Variants in ST14 observed in about 807,000 individuals in gnomAD.
ST14 encodes suppressor of tumorigenicity 14 protein.
In ST14, 40 loss-of-function variants were observed where a neutral mutation model predicts 96.5. The ratio of observed to expected loss-of-function variants is 0.41; its 90% CI spans 0.32 to 0.54. The LOEUF (loss-of-function observed/expected upper bound fraction) is 0.54. ST14 is among the 20% of genes least tolerant of loss of function. The pLI is 0.17. For missense variants in ST14, 1,066 were observed against 1,188.9 expected (o/e 0.90, Z 1.52); for synonymous variants, 506 against 492.1 (o/e 1.03, Z -0.37).
intron 16 of ST14, among the ~76,000 whole-genome samples, chr11:130,201,950 C>T (rs1953433186): frequency 6.6e-6 from 1 of 152,204 alleles, no homozygotes; most frequent in Non-Finnish European, 1.5e-5. Context: ...TGAGCCATGT[C>T]CTTGCTTTCT....
intron 4 of ST14, 71 bp from the exon 5 acceptor site, chr11:130,189,668 G>A (rs751808462): frequency 2.3e-4 from 363 of 1,590,752 alleles, no homozygotes; most frequent in Non-Finnish European, 3.0e-4. Context: ...CATGTGTCCT[G>A]GAGTCGCTCT....
intron 1 of ST14, among the ~76,000 whole-genome samples, chr11:130,175,480 A>G (rs1394583680): frequency 6.6e-6 from 1 of 151,540 alleles, no homozygotes; most frequent in East Asian, 1.9e-4. Flanking sequence ...CCCAGGTTCA[A>G]GTGATTCTCC....
intron 1 of ST14, among the ~76,000 whole-genome samples, chr11:130,166,765 G>A (rs1167758998): frequency 2.0e-5 from 3 of 152,198 alleles, no homozygotes; most frequent in Non-Finnish European, 4.4e-5. Context: ...GTGAGCCCAG[G>A]AGAGATCAGG....
At chr11:130,208,075 A>G (rs1370594801) in intron 16 of ST14, among the ~76,000 whole-genome samples, 1 of 100,716 alleles carries the variant, frequency 9.9e-6, no homozygotes, top group Admixed American at 9.0e-5. Context: ...CTCAGTCTCA[A>G]TAAATAAATA....
At chr11:130,195,503 G>A (rs970264436) in intron 9 of ST14, among the ~76,000 whole-genome samples, 8 of 152,150 alleles carry the variant, frequency 5.3e-5, no homozygotes, top group Non-Finnish European at 7.3e-5. Context: ...CAAGAGAGTC[G>A]CCTGTCCGTG....
At chr11:130,178,207 G>T (rs1000434768) in intron 1 of ST14, among the ~76,000 whole-genome samples, 1 of 152,256 alleles carries the variant, frequency 6.6e-6, no homozygotes, top group Non-Finnish European at 1.5e-5. Context: ...TAACAAACCA[G>T]TCCAGGAAGA....
intron 16 of ST14, among the ~76,000 whole-genome samples, chr11:130,206,567 C>CTTTTTT (rs57270082): frequency 2.1e-5 from 3 of 143,142 alleles, no homozygotes; most frequent in African/African-American, 5.1e-5. Context: ...CTTTTCTTTT[C>CTTTTTT]TTTTTTTTTT....
At chr11:130,166,306 C>A (rs1282639184) in intron 1 of ST14, among the ~76,000 whole-genome samples, 1 of 152,194 alleles carries the variant, frequency 6.6e-6, no homozygotes, top group Non-Finnish European at 1.5e-5. Flanking sequence ...TGTGCACACA[C>A]CACTTGTATC....
At chr11:130,208,981 C>T (rs1021439985) in intron 17 of ST14, among the ~76,000 whole-genome samples, 2 of 152,120 alleles carry the variant, frequency 1.3e-5, no homozygotes, top group African/African-American at 4.8e-5. Context: ...CACCTTAAGC[C>T]CAGTGGTGCT....
At chr11:130,206,075 C>T (rs1015835049) in intron 16 of ST14, among the ~76,000 whole-genome samples, 1 of 152,184 alleles carries the variant, frequency 6.6e-6, no homozygotes, top group Non-Finnish European at 1.5e-5. Flanking sequence ...GTTTCTTTAA[C>T]CTCATTTTAA....
At chr11:130,178,377 G>A (rs549379098) in intron 1 of ST14, among the ~76,000 whole-genome samples, 3 of 90,712 alleles carry the variant, frequency 3.3e-5, no homozygotes, top group African/African-American at 2.7e-4. Flanking sequence ...TTGAGGTGCC[G>A]AAGTCCTGCT....
chr11:130,182,472 G>A (rs947881032), intron 1 of ST14, among the ~76,000 whole-genome samples: 8 of 151,610 alleles, frequency 5.3e-5, no homozygotes, highest in Non-Finnish European at 8.8e-5. Context: ...ACAGGTGCAT[G>A]CTGCCATGTC....
intron 9 of ST14, among the ~76,000 whole-genome samples, chr11:130,195,428 G>A (rs142246752): frequency 4.1e-4 from 63 of 152,252 alleles, no homozygotes; most frequent in Non-Finnish European, 8.5e-4. Flanking sequence ...CCTAGGTGAA[G>A]TGAGGGTGAT....
At chr11:130,205,288 G>T (rs1033486648) in intron 16 of ST14, among the ~76,000 whole-genome samples, 2 of 152,166 alleles carry the variant, frequency 1.3e-5, no homozygotes, top group East Asian at 1.9e-4. Flanking sequence ...CACCTTGCCC[G>T]GCTAAATTTT....
intron 1 of ST14, among the ~76,000 whole-genome samples, chr11:130,172,411 CT>C (rs1173051845): frequency 0.088 from 7,772 of 88,458 alleles, 140 homozygotes; most frequent in East Asian, 0.18. Flanking sequence ...TGGCTGTCTT[CT>C]TTTTTTTTTT....
At chr11:130,197,052 T>C (rs1953374680) in intron 11 of ST14, among the ~76,000 whole-genome samples, 1 of 152,196 alleles carries the variant, frequency 6.6e-6, no homozygotes. Flanking sequence ...GTTAGCACCG[T>C]TAGGATTCAC....
At chr11:130,209,375 G>C in intron 17 of ST14, 67 bp from the exon 18 acceptor site, 1 of 1,546,096 alleles carries the variant, frequency 6.5e-7, no homozygotes, top group South Asian at 1.2e-5. Flanking sequence ...TGACCCGTGG[G>C]GAGCGTCTCG....
intron 9 of ST14, 66 bp downstream of exon 9, chr11:130,194,803 C>G: frequency 6.5e-7 from 1 of 1,533,690 alleles, no homozygotes. Context: ...TGTGTGTCTC[C>G]CTGTGCAGAT....
rs546547296 is a variant in ST14, at chr11:130,196,162, AAAACAAAC to A, written c.1114-151_1114-144del. ...GCGACAGAGCAAGACTCCATCTCAA[AAAACAAAC>A]AAACAAACAAACAAACAAACAAACA... On this transcript the variant is annotated intron_variant, in intron 9 of 18. Transcript: ENST00000278742. Among the ~76,000 whole-genome samples the A allele has an allele frequency of 4.0e-4, 60 of 148,614 alleles. 1 individual carries two copies. Among genetic ancestry groups the A allele is most frequent in the African/African-American group, 1.4e-3 (57 of 40,326 alleles).
Sources: gnomAD v4.1 joint callset for allele counts (sites outside exome capture counted in the v4.1 genomes callset) on GRCh38, gnomAD v4.1.1 for gene constraint, MANE v1.5 for transcripts, NCBI Gene and HGNC (gene_info 2026-07-23, HGNC 2026-07-21) for gene names.